Variants in LEO1 observed in about 807,000 individuals in gnomAD.
LEO1 encodes RNA polymerase-associated protein LEO1.
A neutral mutation model predicts 80.4 loss-of-function variants in LEO1; 34 were observed. The observed-to-expected ratio is 0.42, with a 90% CI of 0.32 to 0.56. The LOEUF is 0.56. Among genes scored for constraint, LEO1 ranks in the 20% least tolerant of loss-of-function variants. The pLI, the probability that LEO1 is intolerant of heterozygous loss-of-function variation, is 0.10. For missense variants in LEO1, 631 were observed against 814.2 expected (o/e 0.77, Z 2.74); for synonymous variants, 262 against 274.9 (o/e 0.95, Z 0.46).
At chr15:51,941,367 G>A (rs557729099) in intron 11 of LEO1, among the ~76,000 whole-genome samples, 1 of 152,302 alleles carries the variant, frequency 6.6e-6, no homozygotes, top group South Asian at 2.1e-4. Flanking sequence ...TACAGAAAAA[G>A]ACAGTCCACA....
intron 5 of LEO1, 138 bp from the exon 6 acceptor site, chr15:51,958,964 T>G: frequency 2.0e-6 from 1 of 507,166 alleles, no homozygotes; most frequent in Non-Finnish European, 3.4e-6. Flanking sequence ...GATCAATATC[T>G]TCATGCTTAA....
chr15:51,970,409 C>T (rs1027535550), intron 1 of LEO1, among the ~76,000 whole-genome samples: 5 of 152,072 alleles, frequency 3.3e-5, no homozygotes, highest in South Asian at 4.1e-4. Context: ...ATCCGCCTGC[C>T]GGAACCAGGA....
intron 11 of LEO1, among the ~76,000 whole-genome samples, chr15:51,939,875 G>A (rs2056833450): frequency 6.6e-6 from 1 of 152,166 alleles, no homozygotes; most frequent in African/African-American, 2.4e-5. Context: ...CCAGGAGATG[G>A]CCAGGGCTCT....
rs755209149 is a variant in LEO1 at position 51,953,256 on chromosome 15, G to A, written c.1348C>T (p.Leu450=). Reference sequence around the variant, plus strand: ...TCAAACACTTCATTGCCTAAATGCAGGGACATGCTGGAAAGAGAAACATTT... The same window carrying A: ...TCAAACACTTCATTGCCTAAATGCAAGGACATGCTGGAAAGAGAAACATTT... ...IVKWSDGSMS[L]HLGNEVFDVY... Residue 450 remains leucine, a synonymous_variant, in exon 8 of 12, where the codon CTG becomes TTG. Coordinates refer to ENST00000299601, the MANE Select transcript of LEO1 (RefSeq NM_138792.4). The A allele has an allele frequency of 1.2e-6, 2 of 1,612,190 alleles. No homozygotes were observed. The highest frequency in any genetic ancestry group is 2.2e-5 in the East Asian group (1 of 44,886).
intron 11 of LEO1, among the ~76,000 whole-genome samples, chr15:51,940,254 CAAAA>C (rs745641318): frequency 1.9e-3 from 71 of 37,922 alleles, no homozygotes; most frequent in Non-Finnish European, 2.5e-3. Context: ...GACTCCGTAT[CAAAA>C]AAAAAAAAAA....
chr15:51,938,389 G>C (rs1028377963), intron 11 of LEO1, 129 bp from the exon 12 acceptor site: 3 of 610,240 alleles, frequency 4.9e-6, no homozygotes, highest in Non-Finnish European at 8.7e-6. Flanking sequence ...GGTTGTGAGG[G>C]AGATTGTGAG....
chr15:51,952,850 T>C (rs1198806111), intron 8 of LEO1, among the ~76,000 whole-genome samples: 1 of 152,236 alleles, frequency 6.6e-6, no homozygotes, highest in Non-Finnish European at 1.5e-5. Context: ...TTTAGGCCTC[T>C]TGGCAGTTAT....
Position 51,971,669 on chromosome 15 carries a change from C to G in LEO1, c.58+19G>C. 1.2e-6 allele frequency: 2 copies of G among 1,613,560 alleles called. No homozygotes were observed. Among genetic ancestry groups the G allele is most frequent in the Non-Finnish European group, 1.7e-6 (2 of 1,179,650 alleles). On this transcript the variant is annotated intron_variant, in intron 1 of 11. Transcript: ENST00000299601. ...GAAGGCCTGCCACGCACCCATCCTC[C>G]GAAGACCAGCGAACCCACCTTTACG...
chr15:51,944,344 CAAT>C (rs1244526128), intron 11 of LEO1, among the ~76,000 whole-genome samples: 4 of 151,896 alleles, frequency 2.6e-5, no homozygotes, highest in African/African-American at 9.7e-5. Context: ...GCTCATTTTT[CAAT>C]AATAATAATG....
intron 6 of LEO1, among the ~76,000 whole-genome samples, chr15:51,957,853 T>C (rs1163961456): frequency 1.3e-5 from 2 of 151,960 alleles, no homozygotes; most frequent in Non-Finnish European, 2.9e-5. Context: ...AAACCCTGTC[T>C]CTACTAAAAA....
At chr15:51,945,930 A>G (rs2056896497) in intron 11 of LEO1, among the ~76,000 whole-genome samples, 1 of 151,966 alleles carries the variant, frequency 6.6e-6, no homozygotes, top group African/African-American at 2.4e-5. Context: ...GCTACTCGGG[A>G]GGCTGAGGCA....
intron 11 of LEO1, among the ~76,000 whole-genome samples, chr15:51,941,000 G>A (rs2056847013): frequency 6.6e-6 from 1 of 151,988 alleles, no homozygotes; most frequent in African/African-American, 2.4e-5. Context: ...TTGAACCCAG[G>A]AGGCAGAGTT....
At chr15:51,952,369 G>A (rs1273052947) in intron 8 of LEO1, 1 of 151,298 alleles carries the variant, frequency 6.6e-6, no homozygotes, top group Non-Finnish European at 1.5e-5. Context: ...CTATTTTATA[G>A]ATTTAGGAAA....
At chr15:51,939,345 T>C (rs1461581766) in intron 11 of LEO1, among the ~76,000 whole-genome samples, 2 of 152,202 alleles carry the variant, frequency 1.3e-5, no homozygotes, top group African/African-American at 2.4e-5. Flanking sequence ...ATGGTTCTCA[T>C]GGCTGGCCCT....
At chr15:51,955,206 G>A (rs925520009) in intron 6 of LEO1, 1 of 152,382 alleles carries the variant, frequency 6.6e-6, no homozygotes, top group Non-Finnish European at 1.5e-5. Flanking sequence ...CCAAAGTGCT[G>A]GGATTACAGG....
intron 2 of LEO1, among the ~76,000 whole-genome samples, chr15:51,964,352 A>AAAACAGTTGGACACAGGGCAGGGAAC (rs1225669709): frequency 7.8e-4 from 119 of 152,302 alleles, no homozygotes; most frequent in Non-Finnish European, 1.6e-3. Context: ...CTGAGTAATG[A>AAAACAGTTGGACACAGGGCAGGGAAC]AAACAGTTGG....
intron 5 of LEO1, 102 bp from the exon 6 acceptor site, chr15:51,958,928 CATAAT>C (rs886980814): frequency 3.2e-5 from 17 of 536,948 alleles, no homozygotes; most frequent in South Asian, 9.3e-5. Flanking sequence ...ATCAAAAAAT[CATAAT>C]ATAATTTTAA....
chr15:51,959,145 G>A (rs1410041901), intron 5 of LEO1, among the ~76,000 whole-genome samples: 1 of 152,026 alleles, frequency 6.6e-6, no homozygotes, highest in African/African-American at 2.4e-5. Flanking sequence ...TGGGATTACA[G>A]GAATGCGCCA....
chr15:51,966,925 AAAAG>A (rs2057082908), intron 1 of LEO1, among the ~76,000 whole-genome samples: 1 of 152,100 alleles, frequency 6.6e-6, no homozygotes, highest in Non-Finnish European at 1.5e-5. Flanking sequence ...AAAAAAAAGA[AAAAG>A]AAAAAGAAAA....
Sources: allele counts gnomAD v4.1 joint callset (sites outside exome capture counted in the v4.1 genomes callset), GRCh38; gene constraint gnomAD v4.1.1; transcripts MANE v1.5; gene names NCBI Gene and HGNC (gene_info 2026-07-23, HGNC 2026-07-21).